PDK1: variants seen among roughly 807,000 people sequenced by gnomAD.
PDK1 encodes the protein [Pyruvate dehydrogenase (acetyl-transferring)] kinase isozyme 1, mitochondrial.
Under a neutral mutation model 54.2 loss-of-function variants are expected in PDK1, and 39 were observed. The ratio of observed to expected loss-of-function variants is 0.72; its 90% CI spans 0.56 to 0.94. The LOEUF (loss-of-function observed/expected upper bound fraction) is 0.94, where lower values mean the gene tolerates loss of function less well. Ranked by LOEUF, PDK1 falls within the 40% of genes least tolerant of loss-of-function variation. The probability of loss-of-function intolerance (pLI) is 0.00; values close to 1 mark genes in which losing one functional copy is unlikely to be tolerated. For synonymous variants in PDK1, 221 were observed against 207.1 expected, an observed-to-expected ratio of 1.07 and a Z score of -0.58; for missense variants, 552 against 566.0, an observed-to-expected ratio of 0.98 and a Z score of 0.25.
chr2:172,692,324 G>A, the PDK1 span, among the ~76,000 whole-genome samples: 1 of 152,162 alleles, frequency 6.6e-6, no homozygotes, highest in Non-Finnish European at 1.5e-5. Context: ...TCAAATACAA[G>A]GTACTGGTGG....
chr2:172,695,775 G>A, the PDK1 span, among the ~76,000 whole-genome samples: 23 of 152,178 alleles, frequency 1.5e-4, no homozygotes, highest in Non-Finnish European at 2.8e-4. Context: ...GGGCTCAGAG[G>A]AACTGCAGAT....
At chr2:172,648,555 C>G in the PDK1 span, among the ~76,000 whole-genome samples, 1 of 152,144 alleles carries the variant, frequency 6.6e-6, no homozygotes, top group South Asian at 2.1e-4. Flanking sequence ...CTGGGAAGCA[C>G]AAGGGGTCAG....
At chr2:172,639,892 G>A in the PDK1 span, among the ~76,000 whole-genome samples, 1 of 152,182 alleles carries the variant, frequency 6.6e-6, no homozygotes, top group Non-Finnish European at 1.5e-5. Context: ...CCTTTATGTG[G>A]GCTTTAGGGG....
the PDK1 span, among the ~76,000 whole-genome samples, chr2:172,643,182 C>T: frequency 6.6e-6 from 1 of 152,168 alleles, no homozygotes; most frequent in African/African-American, 2.4e-5. Flanking sequence ...GGTGTTACTG[C>T]ATTAGCTCTC....
chr2:172,604,506 G>A lies in PDK1; in HGVS notation c.*8537G>A, dbSNP rs770526716. 1 of 151,894 alleles carries A rather than the reference G, an allele frequency of 6.6e-6. No homozygotes were observed. The highest frequency in any genetic ancestry group is 2.4e-5 in the African/African-American group (1 of 41,348). 9.4% of individuals were successfully genotyped at this position (151,894 alleles called of 1,614,324 possible). ...AACTTACAAATTTTTTTAAAAAAAC[G>A]TTTTTCCTCTCCAATGTTCATTGCT... On this transcript the variant is annotated 3_prime_UTR_variant, in exon 11 of 11. Transcript: ENST00000282077.
the PDK1 span, among the ~76,000 whole-genome samples, chr2:172,651,403 A>C: frequency 5.3e-5 from 8 of 152,220 alleles, no homozygotes; most frequent in South Asian, 4.1e-4. Context: ...CCTAACATCA[A>C]AATTAAAAGA....
the PDK1 span, among the ~76,000 whole-genome samples, chr2:172,651,531 G>C: frequency 3.2e-3 from 493 of 152,288 alleles, 3 homozygotes; most frequent in African/African-American, 0.011. Context: ...ATGAATCCAG[G>C]AGCTGGTTTT....
chr2:172,695,975 C>A, the PDK1 span, among the ~76,000 whole-genome samples: 1 of 151,800 alleles, frequency 6.6e-6, no homozygotes, highest in African/African-American at 2.4e-5. Context: ...AAGTTTGTGA[C>A]CAGGCTGGCC....
chr2:172,660,245 C>CTTTTT, the PDK1 span, among the ~76,000 whole-genome samples: 3,985 of 55,318 alleles, frequency 0.072, 1,063 homozygotes, highest in Non-Finnish European at 0.099. Flanking sequence ...CTCTCTCTCT[C>CTTTTT]TCTTTTTTTT....
the PDK1 span, among the ~76,000 whole-genome samples, chr2:172,626,751 C>A: frequency 0.057 from 7,902 of 139,246 alleles, 389 homozygotes; most frequent in East Asian, 0.22. Context: ...TATGATCATG[C>A]CACTGCACTT....
chr2:172,652,054 A>G, the PDK1 span, among the ~76,000 whole-genome samples: 1 of 152,234 alleles, frequency 6.6e-6, no homozygotes, highest in East Asian at 1.9e-4. Context: ...ATGAACATCG[A>G]TGCAAAAATC....
At chr2:172,678,073 G>A in the PDK1 span, among the ~76,000 whole-genome samples, 8 of 152,150 alleles carry the variant, frequency 5.3e-5, no homozygotes, top group Non-Finnish European at 1.2e-4. Flanking sequence ...AGGAGGCTGA[G>A]TCAGGAGAAT....
downstream of PDK1, among the ~76,000 whole-genome samples, chr2:172,609,949 G>A (rs1417839801): frequency 3.3e-5 from 5 of 152,068 alleles, no homozygotes; most frequent in Admixed American, 6.5e-5. Context: ...AGCCTCCCGA[G>A]TAGCTGGGAC....
chr2:172,564,069 G>A (rs1445834112), intron 3 of PDK1: 2 of 472,000 alleles, frequency 4.2e-6, no homozygotes, highest in African/African-American at 2.0e-5. Flanking sequence ...GTCCAAAACA[G>A]GCAGGCTTTA....
chr2:172,623,819 C>T, the PDK1 span, among the ~76,000 whole-genome samples: 3 of 152,174 alleles, frequency 2.0e-5, no homozygotes, highest in Non-Finnish European at 4.4e-5. Flanking sequence ...GTTTAGTCAT[C>T]ATACTTCATA....
intron 9 of PDK1, among the ~76,000 whole-genome samples, chr2:172,587,445 C>T (rs942223526): frequency 6.6e-6 from 1 of 151,750 alleles, no homozygotes; most frequent in African/African-American, 2.4e-5. Context: ...AGTGTTGCAG[C>T]TCATAAAGGT....
chr2:172,564,658 T>C lies in PDK1; in HGVS notation c.566T>C (p.Ile189Thr), dbSNP rs766194416. Residue 189 changes from isoleucine (I) to threonine (T), a missense_variant, in exon 4 of 11, where the codon ATT becomes ACT. Ile to Thr is a moderately conservative substitution (Grantham distance 89, BLOSUM62 -1). Coordinates refer to ENST00000282077, the MANE Select transcript of PDK1 (RefSeq NM_002610.5). ...YFLDRFYMSR[I>T]SIRMLLNQHS... ...TTGGATCGATTCTACATGAGTCGCA[T>C]TTCAATTAGAATGTTACTCAATCAG... The C allele has an allele frequency of 1.7e-5, 28 of 1,614,032 alleles. No homozygotes were observed. The highest frequency in any genetic ancestry group is 2.4e-5 in the Non-Finnish European group (28 of 1,179,994).
chr2:172,672,597 G>A, the PDK1 span, among the ~76,000 whole-genome samples: 5 of 151,716 alleles, frequency 3.3e-5, no homozygotes, highest in Admixed American at 2.0e-4. Flanking sequence ...CATTGAGCAA[G>A]TCCATCAGTA....
the PDK1 span, among the ~76,000 whole-genome samples, chr2:172,665,699 A>G: frequency 6.0e-4 from 91 of 152,314 alleles, no homozygotes; most frequent in African/African-American, 2.1e-3. Context: ...CAGTTTGCAC[A>G]GGAAGAATCA....
Sources: gnomAD v4.1 joint callset for allele counts (sites outside exome capture counted in the v4.1 genomes callset) on GRCh38, gnomAD v4.1.1 for gene constraint, MANE v1.5 for transcripts, NCBI Gene and HGNC (gene_info 2026-07-23, HGNC 2026-07-21) for gene names.